The following CYP11A1 variants were observed in gnomAD, a reference collection of about 807,000 sequenced individuals.
The protein encoded by CYP11A1 is cytochrome P450 family 11 subfamily A member 1, also known as cholesterol side-chain cleavage enzyme, mitochondrial.
A neutral mutation model predicts 51.9 loss-of-function variants in CYP11A1; 25 were observed. That is an observed-to-expected ratio of 0.48 (90% CI 0.35 to 0.67). The LOEUF is 0.67. Ranked by LOEUF, CYP11A1 falls within the 30% of genes least tolerant of loss-of-function variation. The pLI is 0.00. For missense variants in CYP11A1, 578 were observed against 680.9 expected, an observed-to-expected ratio of 0.85 and a Z score of 1.68; for synonymous variants, 245 against 262.1, an observed-to-expected ratio of 0.93 and a Z score of 0.63.
At position 74,338,817 on chromosome 15, in the gene CYP11A1, C is replaced by T. The variant is rs747431545; in HGVS notation, c.1237-49G>A. 12 of 1,565,826 alleles carry T rather than the reference C, an allele frequency of 7.7e-6. No individual in the cohort carries two copies. The East Asian group carries it at 2.5e-4, about 33-fold the overall frequency. ...TGAGTAAGCCCCACTTCCCCACAGCCCTGAGCACAAAACCCCCTTCCCTAG... is the reference window on the plus strand; with the variant it reads ...TGAGTAAGCCCCACTTCCCCACAGCTCTGAGCACAAAACCCCCTTCCCTAG... On this transcript the variant is annotated intron_variant, in intron 7 of 8. Transcript: ENST00000268053.
At chr15:74,365,947 C>T (rs573524277) in intron 1 of CYP11A1, 2 of 978,106 alleles carry the variant, frequency 2.0e-6, no homozygotes, top group East Asian at 2.4e-4. Flanking sequence ...TGTTGGGGAA[C>T]TTGGCGGCAG....
chr15:74,355,894 T>C (rs2060677274), intron 1 of CYP11A1, among the ~76,000 whole-genome samples: 1 of 152,250 alleles, frequency 6.6e-6, no homozygotes, highest in African/African-American at 2.4e-5. Context: ...CCCTAGACCC[T>C]GAAGGGTCAG....
chr15:74,343,977 A>G lies in CYP11A1; in HGVS notation c.641T>C (p.Ile214Thr). The change falls in exon 4 of 9, where the codon ATT becomes ACT. Residue 214 changes from isoleucine to threonine, a missense_variant. By Grantham distance (89) the Ile-to-Thr change is moderately conservative (BLOSUM62 -1). Transcript: ENST00000268053. ...CAGCATCCCCTGGCGCTCCCCAAAA[A>G]TGACGTTAGTGATGGCTGCAGGGAG... is the stretch of plus-strand genomic sequence containing the variant. The part of the protein sequence containing the change: ...RFAFESITNV[I>T]FGERQGMLEE... The G allele has an allele frequency of 1.2e-6, 2 of 1,614,028 alleles. No homozygotes were observed. Among genetic ancestry groups the G allele is most frequent in the Non-Finnish European group, 1.7e-6 (2 of 1,180,002 alleles).
rs753201651 is a variant in CYP11A1, at chr15:74,339,754, C to T, written c.991-1G>A. 1 of 1,614,090 alleles carries T rather than the reference C, an allele frequency of 6.2e-7. No individual in the cohort carries two copies. The highest frequency in any genetic ancestry group is 8.5e-7 in the Non-Finnish European group (1 of 1,180,022). On this transcript the variant is annotated splice_acceptor_variant, in intron 5 of 8. Coordinates refer to ENST00000268053, the MANE Select transcript of CYP11A1 (RefSeq NM_000781.3). LOFTEE classifies it high-confidence loss of function. ...AGTGCCACTGCAGGGTCATGGACGT[C>T]TGGTGGGGAGTAGGGTATACAGAAG...
At chr15:74,354,256 C>T (rs2060667529) in intron 1 of CYP11A1, among the ~76,000 whole-genome samples, 1 of 152,140 alleles carries the variant, frequency 6.6e-6, no homozygotes, top group African/African-American at 2.4e-5. Flanking sequence ...TGGCCTGTTC[C>T]TGCCTTAACT....
chr15:74,341,749 A>C (rs1372513121), intron 5 of CYP11A1, among the ~76,000 whole-genome samples: 2 of 152,218 alleles, frequency 1.3e-5, no homozygotes, highest in African/African-American at 4.8e-5. Context: ...ATATTTGGAG[A>C]TAGAACCTTT....
intron 1 of CYP11A1, chr15:74,362,992 T>C (rs2060715988): frequency 6.6e-6 from 1 of 152,222 alleles, no homozygotes; most frequent in Non-Finnish European, 1.5e-5. Flanking sequence ...CCTTCACTCT[T>C]CTGAAAGGGC....
intron 1 of CYP11A1, among the ~76,000 whole-genome samples, chr15:74,353,654 C>T (rs867222524): frequency 2.6e-5 from 4 of 152,258 alleles, no homozygotes; most frequent in South Asian, 2.1e-4. Context: ...CTATGTAACA[C>T]TGTAGCCTCC....
chr15:74,367,523 A>T lies in CYP11A1; in HGVS notation c.63T>A (p.Ser21Arg). The T allele has an allele frequency of 1.2e-6, 2 of 1,614,074 alleles. No individual in the cohort carries two copies. Among genetic ancestry groups the T allele is most frequent in the East Asian group, 2.2e-5 (1 of 44,888 alleles). The change falls in exon 1 of 9, where the codon AGT becomes AGA. Residue 21 changes from serine (S) to arginine (R), a missense_variant. Ser to Arg is a moderately radical substitution (Grantham distance 110, BLOSUM62 -1). Coordinates refer to ENST00000268053, the MANE Select transcript of CYP11A1 (RefSeq NM_000781.3). Reference protein sequence around the residue: ...VLVKGCQTFLSAPREGLGRLR... With the variant: ...VLVKGCQTFLRAPREGLGRLR... Reference sequence around the variant, plus strand: ...GACGCCCCAGCCCCTCCCTGGGGGCACTCAGAAAGGTCTGGCAGCCTTTGA... The same window carrying T: ...GACGCCCCAGCCCCTCCCTGGGGGCTCTCAGAAAGGTCTGGCAGCCTTTGA...
intron 3 of CYP11A1, chr15:74,344,768 GACCTGTACTTTGGGGACCCTTGCTC>G (rs1173891249): frequency 2.4e-5 from 12 of 491,602 alleles, no homozygotes; most frequent in African/African-American, 3.9e-5. Context: ...TGGCAATAGG[GACCTGTACTTTGGGGACCCTTGCTC>G]CTACAGCACA....
Position 74,343,258 on chromosome 15 carries a change from G to A in CYP11A1, c.830-121C>T, listed in dbSNP as rs939004473. 122 of 1,006,462 alleles carry A rather than the reference G, an allele frequency of 1.2e-4. 1 individual carries two copies. In the African/African-American group the frequency reaches 1.7e-3, roughly 14 times the overall value. The allele number at this position is 1,006,462 out of a possible 1,614,324, so 62.3% of individuals were successfully genotyped here. On this transcript the variant is annotated intron_variant, in intron 4 of 8. Transcript: ENST00000268053. The stretch of plus-strand genomic sequence containing the variant: ...GATTCCGGAGCCCTGTGCTTCTTAG[G>A]CTGCCGTTTTACTGAGCACGTACTC...
At chr15:74,366,019 G>T in intron 1 of CYP11A1, 2 of 986,162 alleles carry the variant, frequency 2.0e-6, no homozygotes, top group South Asian at 9.2e-5. Context: ...CGAGCGCCTG[G>T]ACCTCGCCCT....
At chr15:74,348,103 A>G (rs1171865838) in intron 1 of CYP11A1, 48 bp from the exon 2 acceptor site, 1 of 1,603,428 alleles carries the variant, frequency 6.2e-7, no homozygotes, top group South Asian at 1.1e-5. Context: ...GAGGAGAGCT[A>G]TGGATACAGG....
Position 74,347,938 on chromosome 15 carries a change from A to T in CYP11A1, c.387T>A (p.Tyr129Ter), listed in dbSNP as rs754916969. Residue 129 changes from tyrosine (Y) to a stop codon, truncating the protein, a stop_gained, in exon 2 of 9, where the codon TAT becomes TAA. Transcript: ENST00000268053. LOFTEE classifies it high-confidence loss of function. ...ERFLIPPWVAYHQYYQRPIGV... is the reference protein window; with the variant it reads ...ERFLIPPWVA ...CTATGGGTCTCTGGTAATACTGGTG[A>T]TAGGCGACCCAGGGCGGGATGAGGA... 1 of 1,614,186 alleles carries T rather than the reference A, an allele frequency of 6.2e-7. No homozygotes were observed. Among genetic ancestry groups the T allele is most frequent in the Non-Finnish European group, 8.5e-7 (1 of 1,180,030 alleles).
At chr15:74,357,060 C>A (rs2060683837) in intron 1 of CYP11A1, among the ~76,000 whole-genome samples, 1 of 152,194 alleles carries the variant, frequency 6.6e-6, no homozygotes, top group Admixed American at 6.5e-5. Flanking sequence ...CAGGTTAGTG[C>A]AGGATCTGTG....
chr15:74,358,981 C>G (rs2060694299), intron 1 of CYP11A1, among the ~76,000 whole-genome samples: 2 of 152,160 alleles, frequency 1.3e-5, no homozygotes, highest in Admixed American at 1.3e-4. Context: ...AAAAACTCAC[C>G]AACCAAACAA....
chr15:74,342,831 C>T (rs2060613260), intron 5 of CYP11A1, 146 bp downstream of exon 5: 7 of 814,844 alleles, frequency 8.6e-6, no homozygotes, highest in Non-Finnish European at 1.4e-5. Flanking sequence ...GAGATTAGCG[C>T]TTTGGAAATG....
intron 3 of CYP11A1, 142 bp downstream of exon 3, chr15:74,344,902 A>C (rs1596160296): frequency 1.2e-6 from 1 of 822,378 alleles, no homozygotes. Context: ...AGTAGCAGGC[A>C]GTGGAGGACA....
Position 74,343,829 on chromosome 15 carries a change from C to T in CYP11A1, c.789G>A (p.Trp263Ter). The T allele has an allele frequency of 6.2e-7, 1 of 1,613,426 alleles. No individual in the cohort carries two copies. Among genetic ancestry groups the T allele is most frequent in the Non-Finnish European group, 8.5e-7 (1 of 1,180,028 alleles). The change falls in exon 4 of 9, where the codon TGG (tryptophan) becomes TGA (stop). Residue 263 changes from tryptophan to a stop codon, truncating the protein, a stop_gained. Coordinates refer to ENST00000268053, the MANE Select transcript of CYP11A1 (RefSeq NM_000781.3). LOFTEE classifies it high-confidence loss of function. ...CGTCCCATGCAGCCACATGGTCCTT[C>T]CAGGTCTTGGTCCTGAACAGACGGA... ...DLFRLFRTKT[W>*]KDHVAAWDVI...
Sources: allele counts gnomAD v4.1 joint callset (sites outside exome capture counted in the v4.1 genomes callset), GRCh38; gene constraint gnomAD v4.1.1; transcripts MANE v1.5; gene names NCBI Gene and HGNC (gene_info 2026-07-23, HGNC 2026-07-21).